Variants in NRP2 observed in about 807,000 individuals in gnomAD.
NRP2 encodes neuropilin 2.
A neutral mutation model predicts 110.4 loss-of-function variants in NRP2; 52 were observed. The ratio of observed to expected loss-of-function variants is 0.47; its 90% CI spans 0.38 to 0.59. NRP2 has a LOEUF of 0.59. Ranked by LOEUF, NRP2 falls within the 20% of genes least tolerant of loss-of-function variation. The pLI, the probability that NRP2 is intolerant of heterozygous loss-of-function variation, is 0.00. For synonymous variants in NRP2, 508 were observed against 468.9 expected (o/e 1.08, Z -1.08); for missense variants, 1,049 against 1,203.0 (o/e 0.87, Z 1.89).
At chr2:205,770,709 C>T (rs1467828479) in intron 15 of NRP2, among the ~76,000 whole-genome samples, 1 of 152,176 alleles carries the variant, frequency 6.6e-6, no homozygotes, top group African/African-American at 2.4e-5. Flanking sequence ...AGAAGTGTTC[C>T]TAACCCCTGC....
intron 12 of NRP2, chr2:205,762,507 T>A (rs2057840893): frequency 6.6e-6 from 1 of 152,170 alleles, no homozygotes; most frequent in Non-Finnish European, 1.5e-5. Flanking sequence ...ATATTCACAG[T>A]CCCTGTGGAG....
At chr2:205,696,591 A>G (rs1575547063) in intron 1 of NRP2, among the ~76,000 whole-genome samples, 1 of 152,212 alleles carries the variant, frequency 6.6e-6, no homozygotes, top group Non-Finnish European at 1.5e-5. Flanking sequence ...AAATGTCATC[A>G]CCCACCTTTG....
chr2:205,784,893 A>G (rs182837974), intron 15 of NRP2, among the ~76,000 whole-genome samples: 11 of 152,220 alleles, frequency 7.2e-5, no homozygotes, highest in Admixed American at 5.9e-4. Context: ...CAATAATTGC[A>G]TTTTTACAGG....
intron 15 of NRP2, chr2:205,778,197 C>G (rs1045899071): frequency 6.6e-6 from 1 of 151,612 alleles, no homozygotes; most frequent in Non-Finnish European, 1.5e-5. Flanking sequence ...CTCCAGGTTC[C>G]TTCTGAGAAC....
At chr2:205,710,149 C>T (rs1230931687) in intron 2 of NRP2, among the ~76,000 whole-genome samples, 4 of 152,224 alleles carry the variant, frequency 2.6e-5, no homozygotes, top group Non-Finnish European at 5.9e-5. Flanking sequence ...GGATTCTTTA[C>T]ACCTGGTACC....
At chr2:205,698,031 TGAC>T in intron 2 of NRP2, 1 of 413,544 alleles carries the variant, frequency 2.4e-6, no homozygotes, top group Non-Finnish European at 4.6e-6. Context: ...ACTCTACTCT[TGAC>T]TTTGGGTTAC....
At chr2:205,765,349 AACAC>A in intron 13 of NRP2, 121 bp from the exon 14 acceptor site, 41 of 723,268 alleles carry the variant, frequency 5.7e-5, no homozygotes, top group Non-Finnish European at 8.4e-5. Context: ...CAGGTGCAAT[AACAC>A]ACACACACAC....
At chr2:205,752,813 G>T in intron 11 of NRP2, 22 bp from the exon 12 acceptor site, 1 of 1,613,832 alleles carries the variant, frequency 6.2e-7, no homozygotes, top group Non-Finnish European at 8.5e-7. Context: ...CCTTCCTTTG[G>T]GTTATTGTTT....
chr2:205,705,548 C>T (rs1345346767), intron 2 of NRP2, among the ~76,000 whole-genome samples: 1 of 152,198 alleles, frequency 6.6e-6, no homozygotes, highest in Admixed American at 6.5e-5. Flanking sequence ...CCACTGGGGA[C>T]TCAACTGTAT....
chr2:205,701,019 GCAGACA>G, intron 2 of NRP2: 1 of 209,408 alleles, frequency 4.8e-6, no homozygotes, highest in South Asian at 6.5e-5. Context: ...TGCTGCTCCG[GCAGACA>G]GAGGCCTTTC....
At chr2:205,782,870 A>G (rs1455978686) in intron 15 of NRP2, among the ~76,000 whole-genome samples, 2 of 144,708 alleles carry the variant, frequency 1.4e-5, no homozygotes, top group African/African-American at 5.1e-5. Flanking sequence ...TTTTTTTTTT[A>G]CTATTATAAA....
intron 2 of NRP2, among the ~76,000 whole-genome samples, chr2:205,712,507 G>T (rs187468447): frequency 1.7e-4 from 26 of 152,120 alleles, no homozygotes; most frequent in Non-Finnish European, 3.2e-4. Context: ...ATGCAAAGCC[G>T]TATTTATTCC....
chr2:205,727,750 T>C, intron 6 of NRP2, 141 bp from the exon 7 acceptor site: 2 of 774,428 alleles, frequency 2.6e-6, no homozygotes, highest in Non-Finnish European at 4.0e-6. Flanking sequence ...AATTGCAAAC[T>C]GATACTAATT....
chr2:205,792,208 CTT>C (rs777724728), intron 15 of NRP2, 25 bp from the exon 16 acceptor site: 10 of 1,496,236 alleles, frequency 6.7e-6, no homozygotes, highest in South Asian at 2.3e-5. Context: ...TTGTTATTAA[CTT>C]GTTTTTATTT....
intron 16 of NRP2, among the ~76,000 whole-genome samples, chr2:205,793,361 T>A (rs2058322034): frequency 6.6e-6 from 1 of 152,206 alleles, no homozygotes. Flanking sequence ...CCTATTAAAA[T>A]ATATATAATA....
At position 205,723,826 on chromosome 2, in the gene NRP2, T is replaced by C. The variant is rs2057069981; in HGVS notation, c.706T>C (p.Ser236Pro). The C allele has an allele frequency of 3.1e-6, 5 of 1,614,096 alleles. No homozygotes were observed. Among genetic ancestry groups the C allele is most frequent in the Non-Finnish European group, 4.2e-6 (5 of 1,180,038 alleles). ...CAAGTACTGTGGGACCAAAACACCC[T>C]CTGAACTTCGTTCATCGACGGGGAT... ...IGKYCGTKTPSELRSSTGILS... is the reference protein window; with the variant it reads ...IGKYCGTKTPPELRSSTGILS... Residue 236 changes from serine (S) to proline (P), a missense_variant, in exon 5 of 17, where the codon TCT becomes CCT. Transcript: ENST00000357785.
rs1291868159 is a variant in NRP2 at position 205,749,747 on chromosome 2, G to T, written c.1809G>T (p.Thr603=). The part of the protein sequence containing the change: ...DWTDSKPTVE[T]LGPTVKSEET... Reference sequence around the variant, plus strand: ...CAGACTCCAAGCCCACGGTAGAGACGCTGGGACCCACTGTGAAGAGCGAAG... The same window carrying T: ...CAGACTCCAAGCCCACGGTAGAGACTCTGGGACCCACTGTGAAGAGCGAAG... The change falls in exon 11 of 17, where the codon ACG becomes ACT. Residue 603 remains threonine, a synonymous_variant. Coordinates refer to ENST00000357785, the MANE Select transcript of NRP2 (RefSeq NM_003872.3). The T allele has an allele frequency of 8.7e-6, 14 of 1,613,966 alleles. No homozygotes were observed. The highest frequency in any genetic ancestry group is 1.1e-5 in the Non-Finnish European group (13 of 1,179,960).
At chr2:205,791,651 A>T (rs2058303160) in intron 15 of NRP2, among the ~76,000 whole-genome samples, 1 of 152,204 alleles carries the variant, frequency 6.6e-6, no homozygotes, top group South Asian at 2.1e-4. Flanking sequence ...AGCTAATAGG[A>T]AAAATAGACT....
intron 1 of NRP2, among the ~76,000 whole-genome samples, chr2:205,690,408 C>T: frequency 6.6e-6 from 1 of 151,958 alleles, no homozygotes; most frequent in Non-Finnish European, 1.5e-5. Flanking sequence ...GTGAAGGGGA[C>T]AAAACCCCTG....
Sources: allele counts gnomAD v4.1 joint callset (sites outside exome capture counted in the v4.1 genomes callset), GRCh38; gene constraint gnomAD v4.1.1; transcripts MANE v1.5; gene names NCBI Gene and HGNC (gene_info 2026-07-23, HGNC 2026-07-21).